Variants in CASC3 observed in about 807,000 individuals in gnomAD.
CASC3 encodes CASC3 exon junction complex subunit, also known as protein CASC3.
CASC3 carries 30 observed loss-of-function variants against 80.5 expected under a neutral mutation model. The observed-to-expected ratio is 0.37, with a 90% CI of 0.28 to 0.51. The LOEUF (loss-of-function observed/expected upper bound fraction) is 0.51. Among genes scored for constraint, CASC3 ranks in the 20% least tolerant of loss-of-function variants. CASC3 has a pLI of 0.94. For missense variants in CASC3, 824 were observed against 922.2 expected (o/e 0.89, Z 1.38); for synonymous variants, 312 against 333.6 (o/e 0.94, Z 0.70).
chr17:40,145,641 A>C (rs1481093873), intron 3 of CASC3, among the ~76,000 whole-genome samples: 1 of 151,882 alleles, frequency 6.6e-6, no homozygotes, highest in Non-Finnish European at 1.5e-5. Context: ...GGATTGCTTG[A>C]GCCTGGGAAG....
intron 6 of CASC3, 105 bp downstream of exon 6, chr17:40,163,006 A>C: frequency 1.1e-6 from 1 of 947,584 alleles, no homozygotes; most frequent in Non-Finnish European, 1.6e-6. Flanking sequence ...GGATTGCTTG[A>C]GGCCAGGAGT....
Position 40,140,640 on chromosome 17 carries a change from G to A in CASC3, c.92G>A (p.Arg31Gln). The change falls in exon 1 of 14, where the codon CGG (arginine) becomes CAG (glutamine). Residue 31 changes from arginine to glutamine, a missense_variant. Arg to Gln is a conservative substitution (Grantham distance 43). Transcript: ENST00000264645. ...TCCGACAGCGGCGGCTCCCCGTTGC[G>A]GGGAGGCGGGAGCTGCAGCGGTAGC... ...SGSDSGGSPL[R>Q]GGGSCSGSAG... is the part of the protein sequence containing the mutation. The A allele has an allele frequency of 6.2e-7, 1 of 1,607,790 alleles. No individual in the cohort carries two copies. Among genetic ancestry groups the A allele is most frequent in the Non-Finnish European group, 8.5e-7 (1 of 1,178,820 alleles).
intron 3 of CASC3, among the ~76,000 whole-genome samples, chr17:40,142,595 A>G (rs1365892045): frequency 6.6e-6 from 1 of 152,144 alleles, no homozygotes; most frequent in East Asian, 1.9e-4. Context: ...AAAATGGTGA[A>G]ACTCCATCTC....
At chr17:40,151,536 A>T (rs1240624428) in intron 3 of CASC3, among the ~76,000 whole-genome samples, 1 of 151,820 alleles carries the variant, frequency 6.6e-6, no homozygotes, top group Admixed American at 6.6e-5. Context: ...TCTATAAAAA[A>T]TAAAAAATTT....
At chr17:40,146,882 A>T (rs1461811847) in intron 3 of CASC3, among the ~76,000 whole-genome samples, 1 of 152,160 alleles carries the variant, frequency 6.6e-6, no homozygotes, top group Non-Finnish European at 1.5e-5. Context: ...CACTGCACCC[A>T]GCTGAGAAGT....
chr17:40,152,328 A>AT (rs951637438), intron 3 of CASC3, among the ~76,000 whole-genome samples: 17 of 147,144 alleles, frequency 1.2e-4, no homozygotes, highest in Middle Eastern at 3.5e-3. Context: ...TTTTATTTTT[A>AT]TTTTTTTTTT....
At chr17:40,155,167 G>T (rs777948048) in intron 3 of CASC3, among the ~76,000 whole-genome samples, 2 of 152,136 alleles carry the variant, frequency 1.3e-5, no homozygotes, top group African/African-American at 2.4e-5. Flanking sequence ...GGGATTACAG[G>T]CATGAGCCAC....
intron 7 of CASC3, 130 bp from the exon 8 acceptor site, chr17:40,166,667 A>G (rs1989456325): frequency 1.7e-6 from 1 of 580,330 alleles, no homozygotes; most frequent in Non-Finnish European, 3.0e-6. Context: ...GATAGTTTAT[A>G]GAGAATTTTA....
chr17:40,151,343 C>G (rs1013392849), intron 3 of CASC3, among the ~76,000 whole-genome samples: 1 of 152,112 alleles, frequency 6.6e-6, no homozygotes, highest in African/African-American at 2.4e-5. Context: ...TCCCGGATAG[C>G]TGAGGTTACA....
At chr17:40,149,238 G>A (rs1988935323) in intron 3 of CASC3, among the ~76,000 whole-genome samples, 2 of 151,824 alleles carry the variant, frequency 1.3e-5, no homozygotes, top group South Asian at 4.2e-4. Flanking sequence ...GAGATTTGAA[G>A]AGAGATAAAA....
chr17:40,151,064 C>T (rs749670312), intron 3 of CASC3, among the ~76,000 whole-genome samples: 1 of 152,040 alleles, frequency 6.6e-6, no homozygotes, highest in Non-Finnish European at 1.5e-5. Context: ...ATTCACAGAA[C>T]GTACAGTTCA....
intron 3 of CASC3, among the ~76,000 whole-genome samples, chr17:40,152,045 T>G (rs1423506394): frequency 2.0e-5 from 3 of 152,242 alleles, no homozygotes; most frequent in Admixed American, 6.5e-5. Flanking sequence ...AACGTATCTA[T>G]CACCTCACCT....
At position 40,168,436 on chromosome 17, in the gene CASC3, A is replaced by C. The variant is rs1468190832; in HGVS notation, c.1965+19A>C. ...TACACAGGTGAGATGGCTAATGATC[A>C]TGTTTTTCTAGATACACATTCTTTA... On this transcript the variant is annotated intron_variant, in intron 11 of 13. Coordinates refer to ENST00000264645, the MANE Select transcript of CASC3 (RefSeq NM_007359.5). 1 of 1,598,682 alleles carries C rather than the reference A, an allele frequency of 6.3e-7. No individual in the cohort carries two copies. Among genetic ancestry groups the C allele is most frequent in the Middle Eastern group, 1.7e-4 (1 of 6,030 alleles).
At chr17:40,158,396 A>G (rs1989204638) in intron 3 of CASC3, among the ~76,000 whole-genome samples, 1 of 152,184 alleles carries the variant, frequency 6.6e-6, no homozygotes, top group African/African-American at 2.4e-5. Context: ...TTTCAGATGT[A>G]ACCCACCAAT....
Position 40,171,015 on chromosome 17 carries a change from T to C in CASC3, c.*610T>C, listed in dbSNP as rs1210206789. The C allele has an allele frequency of 1.0e-6, 1 of 985,410 alleles. No homozygotes were observed. Among genetic ancestry groups the C allele is most frequent in the East Asian group, 1.1e-4 (1 of 8,958 alleles). The allele number at this position is 985,410 out of a possible 1,614,324, so 61.0% of individuals were successfully genotyped here. On this transcript the variant is annotated 3_prime_UTR_variant, in exon 14 of 14. Transcript: ENST00000264645. ...TCTAAAAAGACCTGGCCTTTCACTT[T>C]TAGTTGGCATTTGTTATCCTCTTGT...
intron 3 of CASC3, among the ~76,000 whole-genome samples, chr17:40,145,302 T>C (rs1988830138): frequency 6.6e-6 from 1 of 151,898 alleles, no homozygotes; most frequent in South Asian, 2.1e-4. Flanking sequence ...GCCTCCCGAG[T>C]AGCTGGGACT....
intron 1 of CASC3, 139 bp downstream of exon 1, chr17:40,140,918 T>C: frequency 2.8e-6 from 2 of 708,210 alleles, no homozygotes; most frequent in Non-Finnish European, 2.3e-6. Flanking sequence ...AGGGGAGTTA[T>C]CCCAATGCGA....
At chr17:40,166,620 G>A (rs976773028) in intron 7 of CASC3, among the ~76,000 whole-genome samples, 177 bp from the exon 8 acceptor site, 1 of 152,190 alleles carries the variant, frequency 6.6e-6, no homozygotes, top group Non-Finnish European at 1.5e-5. Context: ...AGACAGTGGG[G>A]ACAAATTTCT....
chr17:40,170,779 T>C lies in CASC3; in HGVS notation c.*374T>C. 2.0e-6 allele frequency: 2 copies of C among 985,454 alleles called. No individual in the cohort carries two copies. The highest frequency in any genetic ancestry group is 2.4e-6 in the Non-Finnish European group (2 of 829,850). The allele number at this position is 985,454 out of a possible 1,614,324, so 61.0% of individuals were successfully genotyped here. On this transcript the variant is annotated 3_prime_UTR_variant, in exon 14 of 14. Transcript: ENST00000264645. The stretch of plus-strand genomic sequence containing the variant: ...CCAAGGAAGCTCCTTCCTGTTTGTT[T>C]TGTTTTCTAAGATGTTCATTTTTAA...
Sources: allele counts gnomAD v4.1 joint callset (sites outside exome capture counted in the v4.1 genomes callset), GRCh38; gene constraint gnomAD v4.1.1; transcripts MANE v1.5; gene names NCBI Gene and HGNC (gene_info 2026-07-23, HGNC 2026-07-21).